Variants in PELI2 observed in about 807,000 individuals in gnomAD.
PELI2 encodes the protein E3 ubiquitin-protein ligase pellino homolog 2.
In PELI2, 23 loss-of-function variants were observed where a neutral mutation model predicts 42.3. The observed-to-expected ratio is 0.54, with a 90% CI of 0.39 to 0.77. PELI2 has a LOEUF of 0.77. Ranked by LOEUF, PELI2 falls within the 30% of genes least tolerant of loss-of-function variation. The pLI is 0.00. For synonymous variants in PELI2, 245 were observed against 212.2 expected (o/e 1.15, Z -1.34); for missense variants, 463 against 553.2 (o/e 0.84, Z 1.64).
chr14:56,186,956 A>G (rs1284349669), intron 2 of PELI2, among the ~76,000 whole-genome samples: 1 of 152,182 alleles, frequency 6.6e-6, no homozygotes, highest in Non-Finnish European at 1.5e-5. Flanking sequence ...CCATCTTTTC[A>G]TGGAGGAAAA....
At chr14:56,203,666 T>C (rs1886417275) in intron 2 of PELI2, among the ~76,000 whole-genome samples, 1 of 152,208 alleles carries the variant, frequency 6.6e-6, no homozygotes, top group Non-Finnish European at 1.5e-5. Flanking sequence ...CAAAGATTTA[T>C]TGAGTACCTG....
At chr14:56,233,243 GA>G (rs1339793921) in intron 2 of PELI2, among the ~76,000 whole-genome samples, 1 of 152,106 alleles carries the variant, frequency 6.6e-6, no homozygotes, top group African/African-American at 2.4e-5. Flanking sequence ...CACAGAATTG[GA>G]AAAAACTACT....
At chr14:56,250,722 C>T (rs960135103) in intron 2 of PELI2, among the ~76,000 whole-genome samples, 4 of 152,090 alleles carry the variant, frequency 2.6e-5, no homozygotes, top group African/African-American at 9.7e-5. Context: ...TTAGATGGGC[C>T]CATCCAGATT....
At chr14:56,267,186 G>T (rs1221409436) in intron 2 of PELI2, among the ~76,000 whole-genome samples, 2 of 151,988 alleles carry the variant, frequency 1.3e-5, no homozygotes, top group Non-Finnish European at 2.9e-5. Context: ...AAGAACCCGA[G>T]GGACCCCATA....
intron 2 of PELI2, among the ~76,000 whole-genome samples, chr14:56,274,970 C>G (rs1889238833): frequency 6.6e-6 from 1 of 152,164 alleles, no homozygotes; most frequent in African/African-American, 2.4e-5. Context: ...GAGAGTGTCA[C>G]TACTGGTACC....
intron 2 of PELI2, among the ~76,000 whole-genome samples, chr14:56,220,566 A>G (rs1056864367): frequency 1.3e-5 from 2 of 152,236 alleles, no homozygotes; most frequent in Non-Finnish European, 2.9e-5. Context: ...GATTGTGCCA[A>G]AAAATCATGA....
At chr14:56,292,905 T>TATATA in intron 5 of PELI2, 1 of 739,934 alleles carries the variant, frequency 1.4e-6, no homozygotes, top group Non-Finnish European at 1.7e-6. Flanking sequence ...GGGCCTTGAG[T>TATATA]ATTTAATTAA....
At chr14:56,285,375 C>G (rs1423947924) in intron 3 of PELI2, among the ~76,000 whole-genome samples, 1 of 152,018 alleles carries the variant, frequency 6.6e-6, no homozygotes. Context: ...TAGGGAAGCC[C>G]CAGGGTGAAG....
intron 2 of PELI2, among the ~76,000 whole-genome samples, chr14:56,216,978 G>A (rs144439437): frequency 1.1e-3 from 161 of 152,282 alleles, no homozygotes; most frequent in African/African-American, 3.7e-3. Context: ...TCCTTTGTCA[G>A]CATCTCAATT....
intron 2 of PELI2, among the ~76,000 whole-genome samples, chr14:56,246,686 T>C (rs767810818): frequency 2.6e-5 from 4 of 152,184 alleles, no homozygotes; most frequent in Non-Finnish European, 5.9e-5. Flanking sequence ...CCATATTACT[T>C]TGCAAATAGT....
intron 2 of PELI2, among the ~76,000 whole-genome samples, chr14:56,208,498 C>G (rs1886596544): frequency 6.6e-6 from 1 of 152,214 alleles, no homozygotes; most frequent in Non-Finnish European, 1.5e-5. Flanking sequence ...GACATTTGCA[C>G]TAATGATGCA....
chr14:56,143,797 T>C (rs1229084716), intron 1 of PELI2, among the ~76,000 whole-genome samples: 2 of 152,250 alleles, frequency 1.3e-5, no homozygotes, highest in Non-Finnish European at 2.9e-5. Context: ...TTCCTTGATT[T>C]TTAGCAGCAT....
intron 2 of PELI2, among the ~76,000 whole-genome samples, chr14:56,227,850 C>A (rs1252418934): frequency 1.3e-5 from 2 of 152,178 alleles, no homozygotes; most frequent in African/African-American, 4.8e-5. Context: ...AGAGGGCTTT[C>A]AGAAGGGCTC....
chr14:56,130,687 A>G (rs1595540415), intron 1 of PELI2, among the ~76,000 whole-genome samples: 1 of 152,006 alleles, frequency 6.6e-6, no homozygotes, highest in African/African-American at 2.4e-5. Context: ...GAATCCTTAT[A>G]TCTTCCCTAT....
At chr14:56,163,583 A>G (rs1320036701) in intron 1 of PELI2, among the ~76,000 whole-genome samples, 2 of 151,752 alleles carry the variant, frequency 1.3e-5, no homozygotes, top group East Asian at 3.9e-4. Flanking sequence ...TATACTTTTT[A>G]GGATTTTTTT....
At position 56,300,049 on chromosome 14, in the gene PELI2, C is replaced by CA. The variant is rs1214130339; in HGVS notation, c.*2884dup. 4 of 152,766 alleles carry CA rather than the reference C, an allele frequency of 2.6e-5. No individual in the cohort carries two copies. In the East Asian group the frequency reaches 5.8e-4, roughly 22 times the overall value. The allele number at this position is 152,766 out of a possible 1,614,324, so 9.5% of individuals were successfully genotyped here. A position where few individuals can be genotyped will look rare whatever the true frequency, so the allele number is the denominator to read the frequency against. The stretch of plus-strand genomic sequence containing the variant: ...GTTCAGCTTTTAGCAAAAAGGGCTA[C>CA]AGTTCACCCTGCAGAGTATTAAGGT... On this transcript the variant is annotated 3_prime_UTR_variant, in exon 6 of 6. Coordinates refer to ENST00000267460, the MANE Select transcript of PELI2 (RefSeq NM_021255.3).
chr14:56,211,253 C>T (rs1232959605), intron 2 of PELI2, among the ~76,000 whole-genome samples: 1 of 125,778 alleles, frequency 8.0e-6, no homozygotes, highest in Non-Finnish European at 1.8e-5. Context: ...CCCAATTGCA[C>T]AGTTGCTGGC....
intron 1 of PELI2, among the ~76,000 whole-genome samples, chr14:56,140,397 A>C (rs761347427): frequency 6.6e-5 from 10 of 152,244 alleles, no homozygotes; most frequent in African/African-American, 9.6e-5. Flanking sequence ...TAATTTCTTC[A>C]AAAGTAGTCA....
chr14:56,118,961 A>T (rs1321906176), intron 1 of PELI2: 7 of 246,846 alleles, frequency 2.8e-5, no homozygotes, highest in Non-Finnish European at 4.6e-5. Context: ...GTCCGCGCGG[A>T]GGACGCGGCG....
Sources: allele counts gnomAD v4.1 joint callset (sites outside exome capture counted in the v4.1 genomes callset), GRCh38; gene constraint gnomAD v4.1.1; transcripts MANE v1.5; gene names NCBI Gene and HGNC (gene_info 2026-07-23, HGNC 2026-07-21).